Variants in CFAP74 observed in about 807,000 individuals in gnomAD.
CFAP74 encodes cilia and flagella associated protein 74, also known as cilia- and flagella-associated protein 74.
Under a neutral mutation model 188.9 loss-of-function variants are expected in CFAP74, and 124 were observed. The ratio of observed to expected loss-of-function variants is 0.66; its 90% CI spans 0.57 to 0.76. CFAP74 has a LOEUF of 0.76. Among genes scored for constraint, CFAP74 ranks in the 30% least tolerant of loss-of-function variants. CFAP74 has a pLI of 0.00. For synonymous variants in CFAP74, 956 were observed against 916.7 expected (o/e 1.04, Z -0.77); for missense variants, 2,198 against 2,165.2 (o/e 1.02, Z -0.30).
At chr1:1,971,901 G>C in intron 9 of CFAP74, 79 bp downstream of exon 9, 1 of 1,129,594 alleles carries the variant, frequency 8.9e-7, no homozygotes, top group Non-Finnish European at 1.3e-6. Context: ...CACGGGCCTG[G>C]CTCCCAAGGA....
chr1:1,932,642 G>A (rs1652506985), intron 25 of CFAP74, among the ~76,000 whole-genome samples: 1 of 150,028 alleles, frequency 6.7e-6, no homozygotes, highest in Admixed American at 6.6e-5. Flanking sequence ...TGCCCAGGCT[G>A]GAGAGCAGTG....
intron 1 of CFAP74, among the ~76,000 whole-genome samples, chr1:1,993,134 G>C (rs917766413): frequency 6.7e-6 from 1 of 149,904 alleles, no homozygotes. Context: ...CCAGGAGGCG[G>C]AGGTTGCAGT....
chr1:1,948,412 A>AATATATATATATAT lies in CFAP74; in HGVS notation c.2177-1372_2177-1359dup, dbSNP rs56005703. Among the ~76,000 whole-genome samples the AATATATATATATAT allele has an allele frequency of 1.7e-3, 239 of 144,396 alleles. 1 individual carries two copies. The highest frequency in any genetic ancestry group is 4.9e-3 in the African/African-American group (190 of 38,944). 94.7% of individuals were successfully genotyped at this position (144,396 alleles called of 152,430 possible). ...CATGCAGCCATGCTTGGCATATATAAATATATATATATATATTTATGTGTA... is the reference window on the plus strand; with the variant it reads ...CATGCAGCCATGCTTGGCATATATAAATATATATATATATATATATATATATATATTTATGTGTA... On this transcript the variant is annotated intron_variant, in intron 18 of 38. Coordinates refer to ENST00000682832, the MANE Select transcript of CFAP74 (RefSeq NM_001304360.2).
chr1:1,945,439 C>T (rs1352642274), intron 20 of CFAP74, among the ~76,000 whole-genome samples: 1 of 152,208 alleles, frequency 6.6e-6, no homozygotes, highest in Non-Finnish European at 1.5e-5. Flanking sequence ...ACTCTGAACA[C>T]TGTCGAGGAT....
chr1:1,951,358 A>G (rs988205854), intron 18 of CFAP74, among the ~76,000 whole-genome samples: 1 of 152,196 alleles, frequency 6.6e-6, no homozygotes, highest in African/African-American at 2.4e-5. Flanking sequence ...GAGCCAGACT[A>G]TATCAGGGGG....
At chr1:1,987,930 G>A (rs1450468504) in intron 4 of CFAP74, 9 of 343,920 alleles carry the variant, frequency 2.6e-5, no homozygotes, top group East Asian at 8.0e-5. Context: ...TTAGGTGCCC[G>A]AGTTATGGGC....
At chr1:1,963,720 G>A (rs199555426) in intron 14 of CFAP74, 29 bp downstream of exon 14, 187 of 1,442,072 alleles carry the variant, frequency 1.3e-4, no homozygotes, top group Middle Eastern at 9.8e-4. Context: ...CCTGCACCGC[G>A]TCCCTCCCTG....
At chr1:1,938,171 A>G (rs1030942412) in intron 25 of CFAP74, among the ~76,000 whole-genome samples, 17 of 144,476 alleles carry the variant, frequency 1.2e-4, no homozygotes, top group Non-Finnish European at 2.4e-4. Flanking sequence ...AACCTTACAC[A>G]CCCACATACA....
At chr1:1,955,425 C>T (rs556518043) in intron 18 of CFAP74, 2 of 1,480,832 alleles carry the variant, frequency 1.4e-6, no homozygotes, top group African/African-American at 1.4e-5. Flanking sequence ...CTGTGCGGCT[C>T]CGCCCGTGCT....
chr1:1,970,801 A>G lies in CFAP74; in HGVS notation c.904T>C (p.Phe302Leu). 6.2e-7 allele frequency: 1 copy of G among 1,614,032 alleles called. No individual in the cohort carries two copies. The highest frequency in any genetic ancestry group is 8.5e-7 in the Non-Finnish European group (1 of 1,179,972). Reference protein sequence around the residue: ...ISANRDTLRKFQAWDRAKAEL... With the variant: ...ISANRDTLRKLQAWDRAKAEL... ...GCCTTGGCACGGTCCCATGCTTGGA[A>G]CTTCCGCAGTGTGTCCTTGGAAACA... is the stretch of plus-strand genomic sequence containing the variant. Residue 302 changes from phenylalanine to leucine, a missense_variant, in exon 10 of 39, where the codon TTC becomes CTC. Coordinates refer to ENST00000682832, the MANE Select transcript of CFAP74 (RefSeq NM_001304360.2).
Position 1,946,354 on chromosome 1 carries a change from C to A in CFAP74, c.2327G>T (p.Arg776Met), listed in dbSNP as rs1174067937. ...TPVVPGDVQA[R>M]FKVTFKNPQC... is the part of the protein sequence containing the mutation. ...GGGGTTCTTAAACGTGACTTTGAAC[C>A]TGGCTTGGACGTCGCCTGGGACGAC... The change falls in exon 20 of 39, where the codon AGG (arginine) becomes ATG (methionine). Residue 776 changes from arginine to methionine, a missense_variant. Transcript: ENST00000682832. 8 of 1,536,826 alleles carry A rather than the reference C, an allele frequency of 5.2e-6. No homozygotes were observed. Among genetic ancestry groups the A allele is most frequent in the Non-Finnish European group, 7.0e-6 (8 of 1,146,858 alleles).
chr1:1,975,148 C>G lies in CFAP74; in HGVS notation c.501-950G>C, dbSNP rs577828415. On this transcript the variant is annotated intron_variant, in intron 6 of 38. Coordinates refer to ENST00000682832, the MANE Select transcript of CFAP74 (RefSeq NM_001304360.2). This position sits in a 1 kb window ranked among gnomAD's most constrained non-coding sequence, Gnocchi z 4.5. ...ACACCCGCGATCATGTTCATTTCCACTTCGTCTTTCGTTAAAAGCTTTTCC... is the reference window on the plus strand; with the variant it reads ...ACACCCGCGATCATGTTCATTTCCAGTTCGTCTTTCGTTAAAAGCTTTTCC... Among the ~76,000 whole-genome samples the G allele has an allele frequency of 6.6e-6, 1 of 152,368 alleles. No homozygotes were observed. The highest frequency in any genetic ancestry group is 1.9e-4 in the East Asian group (1 of 5,184).
intron 1 of CFAP74, among the ~76,000 whole-genome samples, chr1:1,991,787 C>G (rs1206858939): frequency 6.6e-6 from 1 of 152,144 alleles, no homozygotes; most frequent in Admixed American, 6.5e-5. Flanking sequence ...CACCTGTAAT[C>G]CCAGCACTTT....
chr1:1,940,309 C>T lies in CFAP74; in HGVS notation c.2703+7G>A, dbSNP rs1448327088. ...CCAGCATCCCTGGGAAGTGCCCCAA[C>T]ACAGACCTGGTCGGCAACCCATATG... On this transcript the variant is annotated splice_region_variant and intron_variant, in intron 23 of 38. Transcript: ENST00000682832. 5 of 1,534,922 alleles carry T rather than the reference C, an allele frequency of 3.3e-6. No homozygotes were observed. In the East Asian group the frequency reaches 1.2e-4, roughly 38 times the overall value.
At chr1:1,967,780 G>A (rs932700224) in intron 11 of CFAP74, among the ~76,000 whole-genome samples, 7 of 152,194 alleles carry the variant, frequency 4.6e-5, no homozygotes, top group African/African-American at 9.6e-5. Context: ...GAGGACCATC[G>A]TCCCTACCCC....
In CFAP74 at chr1:2,000,451, C is replaced by T. The variant is rs1414999454; in HGVS notation, c.-20+3250G>A. Among the ~76,000 whole-genome samples, 3 of 152,304 alleles carry T rather than the reference C, an allele frequency of 2.0e-5. No homozygotes were observed. In the East Asian group the frequency reaches 5.8e-4, roughly 29 times the overall value. ...GCGATTCCTCTCCCAGGAGCACACC[C>T]TACAGAAAATCCCACCTGTTGTGTT... On this transcript the variant is annotated intron_variant, in intron 1 of 38. Coordinates refer to ENST00000682832, the MANE Select transcript of CFAP74 (RefSeq NM_001304360.2).
At position 1,974,165 on chromosome 1, in the gene CFAP74, C is replaced by T. The variant is rs773876446; in HGVS notation, c.534G>A (p.Gly178=). The T allele has an allele frequency of 6.2e-7, 1 of 1,610,504 alleles. No homozygotes were observed. The highest frequency in any genetic ancestry group is 8.5e-7 in the Non-Finnish European group (1 of 1,178,158). Residue 178 remains glycine (G), a synonymous_variant, in exon 7 of 39, where the codon GGG becomes GGA. Transcript: ENST00000682832. ...NTMWHIEIQE[G]RLEAFRTADR... is the part of the protein sequence containing the mutation. The stretch of plus-strand genomic sequence containing the variant: ...CAGCTGTCCGGAAGGCCTCGAGTCG[C>T]CCCTCCTGGATCTCGATGTGCCACA...
At chr1:1,925,646 G>A in intron 33 of CFAP74, 137 bp downstream of exon 33, 1 of 865,192 alleles carries the variant, frequency 1.2e-6, no homozygotes, top group Non-Finnish European at 1.7e-6. Context: ...CTGTGTAGAG[G>A]AGGGGTAGAG....
At chr1:1,926,020 T>C in intron 32 of CFAP74, 82 bp from the exon 33 acceptor site, 1 of 1,464,808 alleles carries the variant, frequency 6.8e-7, no homozygotes, top group Non-Finnish European at 9.1e-7. Context: ...CAGTGGGTTC[T>C]CAACGCTGGA....
Sources: allele counts gnomAD v4.1 joint callset (sites outside exome capture counted in the v4.1 genomes callset), GRCh38; gene constraint gnomAD v4.1.1; non-coding constraint Gnocchi (gnomAD v3.1); transcripts MANE v1.5; gene names NCBI Gene and HGNC (gene_info 2026-07-23, HGNC 2026-07-21).